Variants in MYO1A observed in about 807,000 individuals in gnomAD.
MYO1A encodes the protein unconventional myosin-Ia.
MYO1A carries 127 observed loss-of-function variants against 138.5 expected under a neutral mutation model. The observed-to-expected ratio is 0.92, with a 90% confidence interval of 0.79 to 1.06. The LOEUF is 1.06. Ranked by LOEUF, MYO1A falls within the 50% of genes least tolerant of loss-of-function variation. The pLI, the probability that MYO1A is intolerant of heterozygous loss-of-function variation, is 0.00. For missense variants in MYO1A, 1,211 were observed against 1,288.8 expected, an observed-to-expected ratio of 0.94 and a Z score of 0.92; for synonymous variants, 477 against 497.5, an observed-to-expected ratio of 0.96 and a Z score of 0.55.
intron 9 of MYO1A, 43 bp downstream of exon 9, chr12:57,044,063 G>C (rs1192530007): frequency 6.2e-7 from 1 of 1,614,022 alleles, no homozygotes; most frequent in Non-Finnish European, 8.5e-7. Context: ...TGCGAATAGA[G>C]GATGACCTAA....
intron 15 of MYO1A, 45 bp from the exon 16 acceptor site, chr12:57,039,054 C>T (rs1452361307): frequency 9.4e-6 from 15 of 1,594,470 alleles, no homozygotes; most frequent in African/African-American, 1.3e-5. Context: ...TCTGGTCCTC[C>T]GAGATGTCCA....
At chr12:57,047,033 C>T in intron 6 of MYO1A, 28 bp downstream of exon 6, 2 of 1,613,946 alleles carry the variant, frequency 1.2e-6, no homozygotes, top group Non-Finnish European at 1.7e-6. Flanking sequence ...CACATCCTCT[C>T]TTCCCAGGTG....
At chr12:57,030,649 G>C (rs1425890817) in intron 23 of MYO1A, among the ~76,000 whole-genome samples, 2 of 152,210 alleles carry the variant, frequency 1.3e-5, no homozygotes, top group African/African-American at 2.4e-5. Context: ...AGTGAAATAA[G>C]CCAGACACAA....
chr12:57,044,551 G>C lies in MYO1A; in HGVS notation c.641-342C>G, dbSNP rs548849387. On this transcript the variant is annotated intron_variant, in intron 8 of 27. Transcript: ENST00000300119. ...CTATGGGTGCATGCCACCACGCCTG[G>C]CTAATTTTGGTATTTTTAGTAGAGA... Among the ~76,000 whole-genome samples, 6 of 152,200 alleles carry C rather than the reference G, an allele frequency of 3.9e-5. No homozygotes were observed. In the South Asian group the frequency reaches 1.2e-3, roughly 32 times the overall value.
rs772899759 is a variant in MYO1A at position 57,029,252 on chromosome 12, G to T, written c.2885C>A (p.Ser962Ter). 1 of 1,613,844 alleles carries T rather than the reference G, an allele frequency of 6.2e-7. No individual in the cohort carries two copies. Among genetic ancestry groups the T allele is most frequent in the African/African-American group, 1.3e-5 (1 of 74,860 alleles). Residue 962 changes from serine (S) to a stop codon, truncating the protein, a stop_gained, in exon 27 of 28, where the codon TCG becomes TAG. Coordinates refer to ENST00000300119, the MANE Select transcript of MYO1A (RefSeq NM_005379.4). LOFTEE classifies it high-confidence loss of function. ...CAGGAAGTCCCCCTTGGAGCCCACC[G>T]ATGACATCTTAGGAAGAGGGAAAAA... ...LFSLHLSEMS[S>*]VGSKGDFLLV...
Position 57,036,350 on chromosome 12 carries a change from G to T in MYO1A, c.2306C>A (p.Ser769Ter). 1 of 1,613,808 alleles carries T rather than the reference G, an allele frequency of 6.2e-7. No homozygotes were observed. The highest frequency in any genetic ancestry group is 1.1e-5 in the South Asian group (1 of 90,992). Residue 769 changes from serine (S) to a stop codon, truncating the protein, a stop_gained, in exon 22 of 28, where the codon TCA (serine) becomes TAA (stop). Coordinates refer to ENST00000300119, the MANE Select transcript of MYO1A (RefSeq NM_005379.4). LOFTEE classifies it high-confidence loss of function. The stretch of plus-strand genomic sequence containing the variant: ...ATCTGCCAAGGTGAGGGCAGCCTCT[G>T]ACCGGAAATATTTGCGATAATTCTT... ...ARKNYRKYFR[S>*]EAALTLADFI...
intron 8 of MYO1A, among the ~76,000 whole-genome samples, chr12:57,045,023 C>G (rs957293091): frequency 1.8e-4 from 27 of 152,206 alleles, no homozygotes; most frequent in African/African-American, 6.3e-4. Context: ...AAAGTTTTCT[C>G]TGATGCTGAG....
At chr12:57,050,346 T>C (rs532989147), upstream of MYO1A, among the ~76,000 whole-genome samples, 14 of 152,288 alleles carry the variant, frequency 9.2e-5, no homozygotes, top group African/African-American at 3.1e-4. Context: ...GAATGGAATT[T>C]ATAGCCAAGG....
chr12:57,046,600 A>T lies in MYO1A; in HGVS notation c.592T>A (p.Phe198Ile). Residue 198 changes from phenylalanine to isoleucine, a missense_variant, in exon 8 of 28, where the codon TTC becomes ATC. Transcript: ENST00000300119. ...GCCAGCAGCTGATAGAAGATGTGGA[A>T]GTTCCTTTCTCCTTTGAGCTGCTTC... ...LVKQLKGERN[F>I]HIFYQLLAGA... The T allele has an allele frequency of 6.2e-7, 1 of 1,614,118 alleles. No homozygotes were observed.
intron 24 of MYO1A, 166 bp from the exon 25 acceptor site, chr12:57,030,038 G>C (rs910368011): frequency 1.0e-5 from 14 of 1,343,462 alleles, no homozygotes; most frequent in Non-Finnish European, 1.4e-5. Flanking sequence ...CACCTGGGGA[G>C]TTGTTAGAAA....
chr12:57,037,438 T>C (rs996299538), intron 19 of MYO1A, 110 bp downstream of exon 19: 11 of 1,004,718 alleles, frequency 1.1e-5, no homozygotes, highest in South Asian at 2.5e-5. Context: ...TCCCATCCAC[T>C]GGACAGTGAT....
rs2030112196 is a variant in MYO1A at position 57,028,874 on chromosome 12, C to G, written c.3013G>C (p.Val1005Leu). Reference sequence around the variant, plus strand: ...GCCACACTGTTCTCCTTGAACCTCACTGAGAACCTGGAGAGGGAACAGAAA... The same window carrying G: ...GCCACACTGTTCTCCTTGAACCTCAGTGAGAACCTGGAGAGGGAACAGAAA... ...LTVTVTEKFS[V>L]RFKENSVAVK... The change falls in exon 28 of 28, where the codon GTG (valine) becomes CTG (leucine). Residue 1005 changes from valine to leucine, a missense_variant. By Grantham distance (32) the Val-to-Leu change is conservative (BLOSUM62 1). Coordinates refer to ENST00000300119, the MANE Select transcript of MYO1A (RefSeq NM_005379.4). The G allele has an allele frequency of 6.2e-7, 1 of 1,614,054 alleles. No homozygotes were observed. The highest frequency in any genetic ancestry group is 8.5e-7 in the Non-Finnish European group (1 of 1,179,984).
Position 57,048,055 on chromosome 12 carries a change from G to A in MYO1A, c.164C>T (p.Pro55Leu), listed in dbSNP as rs2031193396. 1.9e-6 allele frequency: 3 copies of A among 1,614,060 alleles called. No homozygotes were observed. The highest frequency in any genetic ancestry group is 2.5e-6 in the Non-Finnish European group (3 of 1,180,030). The change falls in exon 3 of 28, where the codon CCC (proline) becomes CTC (leucine). Residue 55 changes from proline to leucine, a missense_variant. Pro to Leu is a moderately conservative substitution (Grantham distance 98). Coordinates refer to ENST00000300119, the MANE Select transcript of MYO1A (RefSeq NM_005379.4). ...GGCAATGAACTCTGGCCCATAGATG[G>A]GAAGCTGTTGATAGGGATTCACTGA... ...VISVNPYQQL[P>L]IYGPEFIAKY...
intron 22 of MYO1A, among the ~76,000 whole-genome samples, chr12:57,031,407 A>C (rs1417746794): frequency 1.3e-5 from 2 of 152,192 alleles, no homozygotes; most frequent in Non-Finnish European, 2.9e-5. Context: ...GAGAACGATT[A>C]GTTCCAACCA....
intron 16 of MYO1A, 71 bp from the exon 17 acceptor site, chr12:57,038,709 T>G: frequency 6.2e-7 from 1 of 1,608,212 alleles, no homozygotes; most frequent in Non-Finnish European, 8.5e-7. Flanking sequence ...CCAGTCTCAT[T>G]GTGAAGTATT....
Position 57,041,198 on chromosome 12 carries a change from C to G in MYO1A, c.1255G>C (p.Glu419Gln). Reference sequence around the variant, plus strand: ...ACTTGGTTTACTTCTCTCTTATATTCCTCTTGCTCTTCTTTCAGGGTCATC... The same window carrying G: ...ACTTGGTTTACTTCTCTCTTATATTGCTCTTGCTCTTCTTTCAGGGTCATC... The part of the protein sequence containing the change: ...IEMTLKEEQE[E>Q]YKREGIPWTK... The change falls in exon 14 of 28, where the codon GAA (glutamate) becomes CAA (glutamine). Residue 419 changes from glutamate (E) to glutamine (Q), a missense_variant. Glu to Gln is a conservative substitution (Grantham distance 29, BLOSUM62 2). Coordinates refer to ENST00000300119, the MANE Select transcript of MYO1A (RefSeq NM_005379.4). 1 of 1,612,916 alleles carries G rather than the reference C, an allele frequency of 6.2e-7. No individual in the cohort carries two copies. Among genetic ancestry groups the G allele is most frequent in the Non-Finnish European group, 8.5e-7 (1 of 1,179,766 alleles).
chr12:57,047,496 A>AC, intron 4 of MYO1A, 89 bp from the exon 5 acceptor site: 1 of 1,497,462 alleles, frequency 6.7e-7, no homozygotes, highest in Non-Finnish European at 9.3e-7. Flanking sequence ...GTGCCTCACC[A>AC]CCCCTTGGAG....
intron 22 of MYO1A, among the ~76,000 whole-genome samples, chr12:57,031,764 T>A (rs1373372065): frequency 6.6e-6 from 1 of 152,176 alleles, no homozygotes; most frequent in Non-Finnish European, 1.5e-5. Context: ...TGTAAGCAAA[T>A]GTGTCTCATG....
At chr12:57,039,361 A>C (rs900668949) in intron 14 of MYO1A, 87 bp from the exon 15 acceptor site, 2 of 987,146 alleles carry the variant, frequency 2.0e-6, no homozygotes, top group Non-Finnish European at 1.6e-6. Flanking sequence ...CACCCACCCA[A>C]CAAAGGACAT....
Sources: gnomAD v4.1 joint callset for allele counts (sites outside exome capture counted in the v4.1 genomes callset) on GRCh38, gnomAD v4.1.1 for gene constraint, MANE v1.5 for transcripts, NCBI Gene and HGNC (gene_info 2026-07-23, HGNC 2026-07-21) for gene names.